POU2F2: variants seen among roughly 807,000 people sequenced by gnomAD.
The protein encoded by POU2F2 is POU class 2 homeobox 2.
A neutral mutation model predicts 63.5 loss-of-function variants in POU2F2; 14 were observed. That is an observed-to-expected ratio of 0.22 (90% CI 0.15 to 0.34). POU2F2 has a LOEUF of 0.34. POU2F2 is among the 10% of genes least tolerant of loss of function. POU2F2 has a pLI of 1.00. For synonymous variants in POU2F2, 306 were observed against 348.6 expected, an observed-to-expected ratio of 0.88 and a Z score of 1.36; for missense variants, 607 against 815.2, an observed-to-expected ratio of 0.74 and a Z score of 3.11.
intron 1 of POU2F2, among the ~76,000 whole-genome samples, chr19:42,193,127 G>C (rs2035092167): frequency 6.6e-6 from 1 of 151,066 alleles, no homozygotes; most frequent in South Asian, 2.1e-4. Context: ...TAGGGAGGCT[G>C]AGGCGGGAGA....
At chr19:42,171,464 G>T (rs1224074779) in intron 1 of POU2F2, among the ~76,000 whole-genome samples, 1 of 148,542 alleles carries the variant, frequency 6.7e-6, no homozygotes, top group Non-Finnish European at 1.5e-5. Flanking sequence ...GTGTGTGTGT[G>T]TGTGTGCACT....
chr19:42,174,838 C>T (rs906477594), intron 1 of POU2F2, among the ~76,000 whole-genome samples: 21 of 152,178 alleles, frequency 1.4e-4, no homozygotes, highest in African/African-American at 5.1e-4. Flanking sequence ...ATCCACCTGA[C>T]AAGATGGCAA....
chr19:42,095,687 A>T lies in POU2F2; in HGVS notation c.878T>A (p.Met293Lys). Reference protein sequence around the residue: ...LEKWLNDAETMSVDSSLPSPN... With the variant: ...LEKWLNDAETKSVDSSLPSPN... ...GCTGGGCAGGCTTGAGTCCACAGACATAGTCTCTGTGCGCCGGGGGAGACG... is the reference window on the plus strand; with the variant it reads ...GCTGGGCAGGCTTGAGTCCACAGACTTAGTCTCTGTGCGCCGGGGGAGACG... The change falls in exon 10 of 15, where the codon ATG becomes AAG. Residue 293 changes from methionine to lysine, a missense_variant. Physicochemically the swap from Met to Lys is moderately conservative, Grantham distance 95 (BLOSUM62 -1). Around this residue, in one of 7 missense-constraint regions of POU2F2, gnomAD observed 39 missense variants for 36.3 expected, o/e 1.07. Transcript: ENST00000692977. The surrounding 1 kb of genome is among the most constrained non-coding windows in gnomAD (Gnocchi z 7.1). The T allele has an allele frequency of 6.2e-7, 1 of 1,611,892 alleles. No individual in the cohort carries two copies. Among genetic ancestry groups the T allele is most frequent in the Non-Finnish European group, 8.5e-7 (1 of 1,179,816 alleles).
At chr19:42,111,459 A>C (rs1473111934) in intron 5 of POU2F2, among the ~76,000 whole-genome samples, 2 of 152,138 alleles carry the variant, frequency 1.3e-5, no homozygotes, top group Admixed American at 6.5e-5. Context: ...GCTCCTGCCC[A>C]GATACTCTGC....
At chr19:42,118,827 T>C (rs1230428788) in intron 4 of POU2F2, among the ~76,000 whole-genome samples, 1 of 152,076 alleles carries the variant, frequency 6.6e-6, no homozygotes, top group Non-Finnish European at 1.5e-5. Flanking sequence ...CACCATTTTG[T>C]AAAAGGAAGT....
rs1298689113 is a variant in POU2F2, at chr19:42,092,756, G to C, written c.1265-486C>G. Among the ~76,000 whole-genome samples, 1 of 152,096 alleles carries C rather than the reference G, an allele frequency of 6.6e-6. No homozygotes were observed. The highest frequency in any genetic ancestry group is 1.5e-5 in the Non-Finnish European group (1 of 68,012). The stretch of plus-strand genomic sequence containing the variant: ...AGTGCCTTAACCTCTCTGACCTTCA[G>C]ATCCCTTGTCTGGAAAATGGGGATA... On this transcript the variant is annotated intron_variant, in intron 12 of 14. Coordinates refer to ENST00000692977, the MANE Select transcript of POU2F2 (RefSeq NM_001394376.1). The surrounding 1 kb of genome is among the most constrained non-coding windows in gnomAD (Gnocchi z 5.0).
chr19:42,175,068 C>T (rs1055488376), intron 1 of POU2F2, among the ~76,000 whole-genome samples: 6 of 152,162 alleles, frequency 3.9e-5, no homozygotes, highest in African/African-American at 1.4e-4. Flanking sequence ...TCCCGCTAGG[C>T]ATCCATGTCA....
Position 42,095,004 on chromosome 19 carries a change from G to C in POU2F2, c.1197+282C>G, listed in dbSNP as rs978906444. 6.6e-6 allele frequency among the ~76,000 whole-genome samples: 1 copy of C among 152,180 alleles called. No individual in the cohort carries two copies. Among genetic ancestry groups the C allele is most frequent in the Non-Finnish European group, 1.5e-5 (1 of 68,030 alleles). On this transcript the variant is annotated intron_variant, in intron 11 of 14. Transcript: ENST00000692977. The surrounding 1 kb of genome is among the most constrained non-coding windows in gnomAD (Gnocchi z 7.1). ...GCCTGTGTGTTCTAACCTGGACCACGTCCCTGGACATATATCCCTTCCTGT... is the reference window on the plus strand; with the variant it reads ...GCCTGTGTGTTCTAACCTGGACCACCTCCCTGGACATATATCCCTTCCTGT...
At chr19:42,172,268 C>T (rs1418326705) in intron 1 of POU2F2, among the ~76,000 whole-genome samples, 3 of 152,156 alleles carry the variant, frequency 2.0e-5, no homozygotes, top group Non-Finnish European at 2.9e-5. Context: ...GTCCAGGCGC[C>T]CAGAATCCTG....
At chr19:42,099,850 T>A in intron 5 of POU2F2, 29 bp from the exon 6 acceptor site, 1 of 1,530,634 alleles carries the variant, frequency 6.5e-7, no homozygotes, top group Non-Finnish European at 8.9e-7. Context: ...GACAGAAAGA[T>A]AGCCTGAGTC....
chr19:42,184,505 C>T (rs1367974378), intron 1 of POU2F2, among the ~76,000 whole-genome samples: 14 of 152,096 alleles, frequency 9.2e-5, no homozygotes, highest in Admixed American at 9.2e-4. Context: ...TCCATGTGGC[C>T]ACTGCCCCCT....
At chr19:42,163,421 G>A (rs2034589670) in intron 1 of POU2F2, among the ~76,000 whole-genome samples, 1 of 152,184 alleles carries the variant, frequency 6.6e-6, no homozygotes, top group Non-Finnish European at 1.5e-5. Context: ...CAAGGATGGA[G>A]CAGGCGGTGA....
intron 1 of POU2F2, among the ~76,000 whole-genome samples, chr19:42,123,569 A>T (rs1314551123): frequency 6.6e-6 from 1 of 152,134 alleles, no homozygotes; most frequent in Non-Finnish European, 1.5e-5. Flanking sequence ...CCACGAAGGG[A>T]TGTCACCTCC....
At chr19:42,197,718 G>T (rs1568432006), upstream of POU2F2, among the ~76,000 whole-genome samples, 1 of 152,194 alleles carries the variant, frequency 6.6e-6, no homozygotes, top group Non-Finnish European at 1.5e-5. Flanking sequence ...AAAGAACAGA[G>T]ATCCAGGTGA....
At chr19:42,107,602 ACTACTGTTGT>A (rs2030327433) in intron 5 of POU2F2, among the ~76,000 whole-genome samples, 1 of 152,182 alleles carries the variant, frequency 6.6e-6, no homozygotes, top group Admixed American at 6.5e-5. Context: ...TACCGCTAAT[ACTACTGTTGT>A]CTGTTGTCTA....
At chr19:42,185,930 C>A (rs2035007495) in intron 1 of POU2F2, among the ~76,000 whole-genome samples, 1 of 152,126 alleles carries the variant, frequency 6.6e-6, no homozygotes, top group Non-Finnish European at 1.5e-5. Flanking sequence ...CACTCTGTTG[C>A]CCAGGTTGGA....
At chr19:42,104,082 T>C (rs1454681333) in intron 5 of POU2F2, among the ~76,000 whole-genome samples, 1 of 151,292 alleles carries the variant, frequency 6.6e-6, no homozygotes, top group East Asian at 1.9e-4. Flanking sequence ...GTCTGGAGAG[T>C]GCCCAGTGAA....
At chr19:42,121,768 C>A (rs985848262) in intron 4 of POU2F2, among the ~76,000 whole-genome samples, 6 of 152,142 alleles carry the variant, frequency 3.9e-5, no homozygotes, top group Admixed American at 1.3e-4. Context: ...CTGGTACCAG[C>A]CCCCCCACCC....
chr19:42,178,983 G>T (rs2034929315), upstream of POU2F2, among the ~76,000 whole-genome samples: 1 of 152,078 alleles, frequency 6.6e-6, no homozygotes, highest in Admixed American at 6.5e-5. Context: ...ATGGAGAAAG[G>T]CACTGGAAGA....
Sources: allele counts gnomAD v4.1 joint callset (sites outside exome capture counted in the v4.1 genomes callset), GRCh38; gene constraint gnomAD v4.1.1; regional missense constraint gnomAD v4.1.1; non-coding constraint Gnocchi (gnomAD v3.1); transcripts MANE v1.5; gene names NCBI Gene and HGNC (gene_info 2026-07-23, HGNC 2026-07-21).